The following GREM2 variants were observed in gnomAD, a reference collection of about 807,000 sequenced individuals.
GREM2 encodes gremlin 2, DAN family BMP antagonist.
In GREM2, 11 loss-of-function variants were observed where a neutral mutation model predicts 14.2. The observed-to-expected ratio is 0.78, with a 90% confidence interval of 0.49 to 1.28. The LOEUF (loss-of-function observed/expected upper bound fraction) is 1.28, where lower values mean the gene tolerates loss of function less well. Ranked by LOEUF, GREM2 falls within the 50% of genes most tolerant of loss-of-function variation. The pLI is 0.00. For missense variants in GREM2, 210 were observed against 218.5 expected, an observed-to-expected ratio of 0.96 and a Z score of 0.24; for synonymous variants, 98 against 97.6, an observed-to-expected ratio of 1.00 and a Z score of -0.02.
At chr1:240,550,074 T>A (rs1678815167) in intron 1 of GREM2, 1 of 152,256 alleles carries the variant, frequency 6.6e-6, no homozygotes, top group South Asian at 2.1e-4. Flanking sequence ...CAGACTGGAG[T>A]GCAATGGCGG....
chr1:240,544,173 A>G (rs1678661961), intron 1 of GREM2, among the ~76,000 whole-genome samples: 2 of 146,752 alleles, frequency 1.4e-5, no homozygotes, highest in African/African-American at 2.6e-5. Context: ...TTTTTGAGAC[A>G]GTCTCGCTCT....
chr1:240,600,069 T>C (rs952762988), intron 1 of GREM2, among the ~76,000 whole-genome samples: 3 of 152,154 alleles, frequency 2.0e-5, no homozygotes, highest in African/African-American at 7.2e-5. Flanking sequence ...AGGGTCAGCC[T>C]AATGGTGGAG....
chr1:240,593,084 C>G (rs1263231333), intron 1 of GREM2, among the ~76,000 whole-genome samples: 1 of 151,912 alleles, frequency 6.6e-6, no homozygotes, highest in Non-Finnish European at 1.5e-5. Context: ...GCAGAGGTTG[C>G]AGTGAGCCAA....
chr1:240,533,600 A>G (rs561490700), intron 1 of GREM2, among the ~76,000 whole-genome samples: 1 of 152,324 alleles, frequency 6.6e-6, no homozygotes, highest in South Asian at 2.1e-4. Context: ...TCTGTGTAGA[A>G]GTAGGACAAA....
intron 1 of GREM2, among the ~76,000 whole-genome samples, chr1:240,559,812 A>G: frequency 6.6e-6 from 1 of 152,158 alleles, no homozygotes; most frequent in African/African-American, 2.4e-5. Flanking sequence ...ATTTCTCCCA[A>G]ATGCTCATAT....
At chr1:240,593,805 C>T (rs1301328292) in intron 1 of GREM2, among the ~76,000 whole-genome samples, 1 of 151,986 alleles carries the variant, frequency 6.6e-6, no homozygotes, top group East Asian at 2.0e-4. Context: ...GCTGACACGA[C>T]CTTAGTGGCC....
At chr1:240,526,678 C>T (rs1384006927) in intron 1 of GREM2, among the ~76,000 whole-genome samples, 4 of 152,204 alleles carry the variant, frequency 2.6e-5, no homozygotes, top group Admixed American at 6.5e-5. Context: ...TCCGTGCTTA[C>T]GTGGACGTGT....
chr1:240,578,951 A>G (rs1679426657), intron 1 of GREM2, among the ~76,000 whole-genome samples: 1 of 152,160 alleles, frequency 6.6e-6, no homozygotes, highest in Non-Finnish European at 1.5e-5. Flanking sequence ...CTGCCTTATG[A>G]GAAAGATTGG....
At chr1:240,537,685 T>A (rs752747327) in intron 1 of GREM2, among the ~76,000 whole-genome samples, 2 of 152,090 alleles carry the variant, frequency 1.3e-5, no homozygotes, top group Non-Finnish European at 2.9e-5. Flanking sequence ...CTCGGGAGGC[T>A]GAGGCAGGAG....
chr1:240,583,898 A>T (rs980144165), intron 1 of GREM2, among the ~76,000 whole-genome samples: 1 of 151,766 alleles, frequency 6.6e-6, no homozygotes, highest in Admixed American at 6.6e-5. Context: ...CACCGCGCCC[A>T]GCCTTCATCT....
chr1:240,600,569 C>T (rs577080393), intron 1 of GREM2, among the ~76,000 whole-genome samples: 2 of 152,194 alleles, frequency 1.3e-5, no homozygotes, highest in East Asian at 3.9e-4. Context: ...CTACAACCTC[C>T]ACCTCCCAGG....
In GREM2 at chr1:240,598,051, T is replaced by C. The variant is rs1169188213; in HGVS notation, c.-2+13833A>G. On this transcript the variant is annotated intron_variant, in intron 1 of 1. Transcript: ENST00000318160. ...AAACAGAAAATCAGTTCAACACCACTGCAGTTAATATCGACTAAACAGCTC... is the reference window on the plus strand; with the variant it reads ...AAACAGAAAATCAGTTCAACACCACCGCAGTTAATATCGACTAAACAGCTC... 3.3e-5 allele frequency among the ~76,000 whole-genome samples: 5 copies of C among 152,222 alleles called. No homozygotes were observed. The East Asian group carries it at 9.6e-4, about 29-fold the overall frequency.
intron 1 of GREM2, among the ~76,000 whole-genome samples, chr1:240,601,864 G>A (rs1679931456): frequency 6.9e-6 from 1 of 145,370 alleles, no homozygotes; most frequent in South Asian, 2.2e-4. Flanking sequence ...CCAAGGCCGA[G>A]ATTGCACCAT....
chr1:240,592,538 C>T (rs374025743), intron 1 of GREM2, among the ~76,000 whole-genome samples: 24 of 152,156 alleles, frequency 1.6e-4, no homozygotes, highest in Admixed American at 1.3e-4. Flanking sequence ...TTGACAGATT[C>T]CTTGACTGGA....
At chr1:240,565,800 C>T (rs1278805002) in intron 1 of GREM2, among the ~76,000 whole-genome samples, 3 of 149,956 alleles carry the variant, frequency 2.0e-5, no homozygotes, top group Non-Finnish European at 3.0e-5. Context: ...GAGCCAAGAT[C>T]GCACCACTGC....
At chr1:240,607,555 A>G (rs1452770999) in intron 1 of GREM2, among the ~76,000 whole-genome samples, 1 of 152,210 alleles carries the variant, frequency 6.6e-6, no homozygotes, top group African/African-American at 2.4e-5. Context: ...CCAAGTTTTC[A>G]TAAGGAACCA....
intron 1 of GREM2, among the ~76,000 whole-genome samples, chr1:240,605,391 C>T (rs1680004269): frequency 6.6e-6 from 1 of 152,020 alleles, no homozygotes; most frequent in African/African-American, 2.4e-5. Context: ...GTGGGGGGAT[C>T]ACTTGAACGT....
chr1:240,516,127 CTT>C (rs34728833), intron 1 of GREM2, among the ~76,000 whole-genome samples: 6 of 143,514 alleles, frequency 4.2e-5, no homozygotes, highest in Admixed American at 7.0e-5. Flanking sequence ...CCAACCCTGA[CTT>C]TTTTTTTTTT....
In GREM2 at chr1:240,611,750, C is replaced by T. The variant is rs373435832; in HGVS notation, c.-2+134G>A. 1.6e-4 allele frequency: 24 copies of T among 152,664 alleles called. 1 individual carries two copies. The highest frequency in any genetic ancestry group is 5.8e-4 in the African/African-American group (24 of 41,542). 9.5% of individuals were successfully genotyped at this position (152,664 alleles called of 1,614,324 possible). A position where few individuals can be genotyped will look rare whatever the true frequency, so the allele number is the denominator to read the frequency against. On this transcript the variant is annotated intron_variant, in intron 1 of 1. Coordinates refer to ENST00000318160, the MANE Select transcript of GREM2 (RefSeq NM_022469.4). ...CAGCTTGAATTACCCGGGGTGAAAC[C>T]GGCGAGACGTCCACTCAGGGCTTTC...
Sources: gnomAD v4.1 joint callset for allele counts (sites outside exome capture counted in the v4.1 genomes callset) on GRCh38, gnomAD v4.1.1 for gene constraint, MANE v1.5 for transcripts, NCBI Gene and HGNC (gene_info 2026-07-23, HGNC 2026-07-21) for gene names.